The following RANBP2 variants were observed in gnomAD, a reference collection of about 807,000 sequenced individuals.
The protein encoded by RANBP2 is E3 SUMO-protein ligase RanBP2.
RANBP2 carries 57 observed loss-of-function variants against 303.6 expected under a neutral mutation model. That is an observed-to-expected ratio of 0.19 (90% confidence interval 0.15 to 0.23). RANBP2 has a LOEUF of 0.23. Among genes scored for constraint, RANBP2 ranks in the 10% least tolerant of loss-of-function variants. The pLI, the probability that RANBP2 is intolerant of heterozygous loss-of-function variation, is 1.00. For synonymous variants in RANBP2, 1,167 were observed against 1,301.5 expected (o/e 0.90, Z 2.23); for missense variants, 3,138 against 3,780.8 (o/e 0.83, Z 4.46).
At chr2:109,399,696 C>T in the RANBP2 span, among the ~76,000 whole-genome samples, 1 of 152,200 alleles carries the variant, frequency 6.6e-6, no homozygotes, top group Non-Finnish European at 1.5e-5. Context: ...TTGCCTGTAG[C>T]TCTGACAAGA....
the RANBP2 span, among the ~76,000 whole-genome samples, chr2:109,446,435 G>A: frequency 2.0e-5 from 3 of 152,160 alleles, no homozygotes; most frequent in Non-Finnish European, 4.4e-5. Context: ...AGCCTCCAGC[G>A]AACATGTAAA....
the RANBP2 span, among the ~76,000 whole-genome samples, chr2:109,285,573 G>A: frequency 1.3e-5 from 2 of 152,326 alleles, no homozygotes; most frequent in African/African-American, 4.8e-5. Context: ...GAGGTGGTGC[G>A]TCATGTTCTG....
intron 7 of RANBP2, among the ~76,000 whole-genome samples, chr2:108,742,454 C>A (rs984618252): frequency 6.6e-6 from 1 of 152,072 alleles, no homozygotes; most frequent in Non-Finnish European, 1.5e-5. Context: ...CAGGCACACA[C>A]CACCATGCCT....
At chr2:108,842,770 T>C in the RANBP2 span, among the ~76,000 whole-genome samples, 7 of 152,344 alleles carry the variant, frequency 4.6e-5, no homozygotes, top group South Asian at 1.2e-3. Flanking sequence ...TGATCCCTGC[T>C]TCTAGGGTGA....
rs528385544 is a variant in RANBP2 at position 108,767,799 on chromosome 2, T to C, written c.7260T>C (p.Ala2420=). ...GAGAAAGAAAAGTAGAGCATTTAGC[T>C]GTTCGTTTTAAACTACAGGATGTTG... ...ADGERKVEHL[A]VRFKLQDVAD... The change falls in exon 20 of 29, where the codon GCT becomes GCC. Residue 2420 remains alanine, a synonymous_variant. Coordinates refer to ENST00000283195, the MANE Select transcript of RANBP2 (RefSeq NM_006267.5). 10 of 1,611,680 alleles carry C rather than the reference T, an allele frequency of 6.2e-6. No individual in the cohort carries two copies. The East Asian group carries it at 1.8e-4, about 29-fold the overall frequency.
chr2:109,214,657 T>A, the RANBP2 span, among the ~76,000 whole-genome samples: 2 of 152,116 alleles, frequency 1.3e-5, no homozygotes, highest in Non-Finnish European at 2.9e-5. Flanking sequence ...CCTGACACTC[T>A]TGCTGGCATC....
chr2:108,799,051 G>A, the RANBP2 span, among the ~76,000 whole-genome samples: 2 of 152,086 alleles, frequency 1.3e-5, no homozygotes, highest in African/African-American at 4.8e-5. Flanking sequence ...TTGTTTGTGG[G>A]GCGGGGGGGT....
At chr2:109,471,164 G>A in the RANBP2 span, among the ~76,000 whole-genome samples, 1 of 128,490 alleles carries the variant, frequency 7.8e-6, no homozygotes, top group Non-Finnish European at 1.5e-5. Context: ...AATGAGCCGA[G>A]ATCGTGCCAT....
At chr2:109,176,107 G>C in the RANBP2 span, among the ~76,000 whole-genome samples, 1 of 152,150 alleles carries the variant, frequency 6.6e-6, no homozygotes. Context: ...CTGTCCACCT[G>C]CATTTCCTGG....
chr2:108,981,527 A>C, the RANBP2 span, among the ~76,000 whole-genome samples: 2 of 151,988 alleles, frequency 1.3e-5, no homozygotes, highest in Non-Finnish European at 2.9e-5. Flanking sequence ...CCCAAACAAC[A>C]CCTGTCCAGG....
downstream of RANBP2, among the ~76,000 whole-genome samples, chr2:108,789,436 A>C (rs1668189082): frequency 6.6e-6 from 1 of 152,164 alleles, no homozygotes; most frequent in Non-Finnish European, 1.5e-5. Context: ...CTACTAAAAA[A>C]TAGAAAAATT....
At chr2:109,650,817 T>A in the RANBP2 span, among the ~76,000 whole-genome samples, 1 of 152,234 alleles carries the variant, frequency 6.6e-6, no homozygotes, top group Non-Finnish European at 1.5e-5. Flanking sequence ...CCCAGCCATG[T>A]GGACCTGTGA....
At chr2:108,964,521 C>G in the RANBP2 span, among the ~76,000 whole-genome samples, 1 of 152,194 alleles carries the variant, frequency 6.6e-6, no homozygotes, top group Admixed American at 6.5e-5. Flanking sequence ...GGAAAAAAAC[C>G]CCAACAAACT....
At chr2:109,405,451 C>T in the RANBP2 span, among the ~76,000 whole-genome samples, 1 of 152,158 alleles carries the variant, frequency 6.6e-6, no homozygotes, top group Admixed American at 6.5e-5. Flanking sequence ...CTCCAGCTCC[C>T]GGCAGCACTG....
chr2:108,740,017 G>A (rs556791019), intron 6 of RANBP2, among the ~76,000 whole-genome samples: 40 of 151,966 alleles, frequency 2.6e-4, no homozygotes, highest in African/African-American at 6.8e-4. Flanking sequence ...TATTTTAAAC[G>A]CTGTAATGAT....
the RANBP2 span, among the ~76,000 whole-genome samples, chr2:109,728,652 A>T: frequency 6.6e-6 from 1 of 150,688 alleles, no homozygotes; most frequent in African/African-American, 2.4e-5. Context: ...GAGGGGTTTC[A>T]CCATCTTGGT....
chr2:109,064,750 A>C, the RANBP2 span, among the ~76,000 whole-genome samples: 1 of 152,178 alleles, frequency 6.6e-6, no homozygotes, highest in Non-Finnish European at 1.5e-5. Flanking sequence ...GTTGTATTTG[A>C]TGGATAAATG....
the RANBP2 span, among the ~76,000 whole-genome samples, chr2:109,717,272 C>CAAAAAAAAAAAAAAAAAAAAAA: frequency 8.0e-6 from 1 of 124,794 alleles, no homozygotes; most frequent in Non-Finnish European, 1.6e-5. Context: ...AAAAACAAAC[C>CAAAAAAAAAAAAAAAAAAAAAA]AAAAAAAAAA....
At chr2:108,921,302 C>A in the RANBP2 span, among the ~76,000 whole-genome samples, 1 of 152,190 alleles carries the variant, frequency 6.6e-6, no homozygotes, top group Non-Finnish European at 1.5e-5. Flanking sequence ...GCAGCTGCGA[C>A]CCATTGTCTG....
Sources: gnomAD v4.1 joint callset for allele counts (sites outside exome capture counted in the v4.1 genomes callset) on GRCh38, gnomAD v4.1.1 for gene constraint, MANE v1.5 for transcripts, NCBI Gene and HGNC (gene_info 2026-07-23, HGNC 2026-07-21) for gene names.